PAQR5: variants seen among roughly 807,000 people sequenced by gnomAD.
The protein encoded by PAQR5 is membrane progestin receptor gamma.
Under a neutral mutation model 34.5 loss-of-function variants are expected in PAQR5, and 20 were observed. The ratio of observed to expected loss-of-function variants is 0.58; its 90% confidence interval spans 0.41 to 0.84. The LOEUF (loss-of-function observed/expected upper bound fraction) is 0.84. Ranked by LOEUF, PAQR5 falls within the 40% of genes least tolerant of loss-of-function variation. The pLI, the probability that PAQR5 is intolerant of heterozygous loss-of-function variation, is 0.00. For missense variants in PAQR5, 378 were observed against 412.7 expected (o/e 0.92, Z 0.73); for synonymous variants, 131 against 155.6 (o/e 0.84, Z 1.18).
chr15:69,349,883 C>G (rs1188648103), intron 2 of PAQR5, among the ~76,000 whole-genome samples: 1 of 152,170 alleles, frequency 6.6e-6, no homozygotes, highest in East Asian at 2.0e-4. Flanking sequence ...CTCAAGTGAT[C>G]GGCCCGCCTT....
chr15:69,384,402 AGGGT>A (rs2056041008), intron 4 of PAQR5, among the ~76,000 whole-genome samples: 1 of 88,366 alleles, frequency 1.1e-5, no homozygotes, highest in African/African-American at 4.5e-5. Flanking sequence ...TTCATGGTGG[AGGGT>A]GAGCGGGCCC....
intron 2 of PAQR5, among the ~76,000 whole-genome samples, chr15:69,341,353 CTTT>C (rs370642387): frequency 3.4e-5 from 4 of 117,714 alleles, no homozygotes; most frequent in Non-Finnish European, 6.6e-5. Flanking sequence ...AATTCTATTC[CTTT>C]TTTTTTTTTT....
chr15:69,355,446 A>C, intron 2 of PAQR5, among the ~76,000 whole-genome samples: 1 of 142,454 alleles, frequency 7.0e-6, no homozygotes, highest in East Asian at 2.1e-4. Flanking sequence ...CTTGAGACAG[A>C]GTCTCACTCT....
At chr15:69,375,826 ATCCTAC>A (rs953330944) in intron 3 of PAQR5, among the ~76,000 whole-genome samples, 1 of 152,146 alleles carries the variant, frequency 6.6e-6, no homozygotes, top group African/African-American at 2.4e-5. Flanking sequence ...AGGTCCCCTG[ATCCTAC>A]TCTGCCTCTT....
chr15:69,302,264 G>A (rs1033343104), intron 1 of PAQR5, among the ~76,000 whole-genome samples: 2 of 151,950 alleles, frequency 1.3e-5, no homozygotes, highest in East Asian at 1.9e-4. Context: ...GTAGAGGTGG[G>A]GTCTCACTAT....
At chr15:69,315,706 C>T (rs576282886) in intron 1 of PAQR5, among the ~76,000 whole-genome samples, 1 of 152,278 alleles carries the variant, frequency 6.6e-6, no homozygotes, top group East Asian at 1.9e-4. Context: ...GAAGTTATTT[C>T]CTTTCTTCTC....
chr15:69,344,547 C>T (rs1171454998), intron 2 of PAQR5, among the ~76,000 whole-genome samples: 1 of 152,218 alleles, frequency 6.6e-6, no homozygotes, highest in Non-Finnish European at 1.5e-5. Flanking sequence ...TTAAAACTAA[C>T]ATTTTCATAT....
intron 8 of PAQR5, among the ~76,000 whole-genome samples, chr15:69,400,761 G>A (rs1374068101): frequency 6.6e-6 from 1 of 152,148 alleles, no homozygotes; most frequent in Non-Finnish European, 1.5e-5. Flanking sequence ...GACAACAGGG[G>A]GCTGTGCAGA....
Position 69,359,997 on chromosome 15 carries a change from G to T in PAQR5, c.-84G>T, listed in dbSNP as rs2055190414. 4.8e-6 allele frequency: 5 copies of T among 1,045,462 alleles called. No homozygotes were observed. Among genetic ancestry groups the T allele is most frequent in the Non-Finnish European group, 7.4e-6 (5 of 671,504 alleles). The allele number at this position is 1,045,462 out of a possible 1,614,324, so 64.8% of individuals were successfully genotyped here. ...GGCACAGCACCAGCTAGGCAGAGAC[G>T]CCCCAGGCCATGTTAGAGCTTTGAG... On this transcript the variant is annotated 5_prime_UTR_variant, in exon 3 of 9. Coordinates refer to ENST00000395407, the MANE Select transcript of PAQR5 (RefSeq NM_017705.4).
chr15:69,400,463 G>A (rs957335842), intron 8 of PAQR5, among the ~76,000 whole-genome samples: 3 of 152,234 alleles, frequency 2.0e-5, no homozygotes, highest in African/African-American at 7.2e-5. Flanking sequence ...GGAGGCCAAG[G>A]TGGGCAGATT....
chr15:69,341,927 C>CA (rs71149907), intron 2 of PAQR5, among the ~76,000 whole-genome samples: 123,154 of 135,180 alleles, frequency 0.91, 56,485 homozygotes, highest in East Asian at 0.98. Flanking sequence ...GACCCTGTCT[C>CA]AAAAAAAAAA....
chr15:69,343,790 T>C (rs1327694751), intron 2 of PAQR5, among the ~76,000 whole-genome samples: 2 of 152,150 alleles, frequency 1.3e-5, no homozygotes, highest in African/African-American at 2.4e-5. Flanking sequence ...CTGAAGTTGA[T>C]TGAAATACAA....
intron 1 of PAQR5, among the ~76,000 whole-genome samples, chr15:69,312,738 G>A (rs1209796424): frequency 1.3e-5 from 2 of 151,990 alleles, no homozygotes; most frequent in African/African-American, 4.8e-5. Flanking sequence ...AAACCGAAAA[G>A]TCTTTAAAGC....
intron 1 of PAQR5, among the ~76,000 whole-genome samples, chr15:69,312,292 G>C (rs537494497): frequency 6.6e-6 from 1 of 152,208 alleles, no homozygotes; most frequent in East Asian, 1.9e-4. Flanking sequence ...TTCCAAGAAT[G>C]ATTTGATTTT....
chr15:69,403,546 T>A (rs761950629), intron 8 of PAQR5, 35 bp from the exon 9 acceptor site: 1 of 1,609,802 alleles, frequency 6.2e-7, no homozygotes, highest in Non-Finnish European at 8.5e-7. Context: ...TTCCTTTTCA[T>A]TGCTGATCTT....
chr15:69,383,358 T>TCCGTGCTCATGGTGGAGGGGGAGG (rs1567033379), intron 4 of PAQR5, among the ~76,000 whole-genome samples: 1 of 17,658 alleles, frequency 5.7e-5, no homozygotes, highest in African/African-American at 1.6e-4. Flanking sequence ...GGAGGGTGAG[T>TCCGTGCTCATGGTGGAGGGGGAGG]GGGCCTTTGT....
chr15:69,393,725 A>C (rs1275377936), intron 6 of PAQR5, among the ~76,000 whole-genome samples: 1 of 152,142 alleles, frequency 6.6e-6, no homozygotes, highest in Non-Finnish European at 1.5e-5. Flanking sequence ...TTTGCTTGAC[A>C]GTTATCTGAT....
intron 3 of PAQR5, among the ~76,000 whole-genome samples, chr15:69,364,525 T>C (rs910991987): frequency 7.3e-6 from 1 of 136,876 alleles, no homozygotes; most frequent in Admixed American, 7.6e-5. Context: ...ATATATGTAA[T>C]ATATATACAT....
chr15:69,403,525 A>G, intron 8 of PAQR5, 56 bp from the exon 9 acceptor site: 1 of 1,564,202 alleles, frequency 6.4e-7, no homozygotes. Flanking sequence ...CATAGCATGT[A>G]TCAGTACTCA....
Sources: gnomAD v4.1 joint callset for allele counts (sites outside exome capture counted in the v4.1 genomes callset) on GRCh38, gnomAD v4.1.1 for gene constraint, MANE v1.5 for transcripts, NCBI Gene and HGNC (gene_info 2026-07-23, HGNC 2026-07-21) for gene names.